Variants in SUGCT observed in about 807,000 individuals in gnomAD.
The protein encoded by SUGCT is succinyl-CoA:glutarate-CoA transferase.
A neutral mutation model predicts 55.0 loss-of-function variants in SUGCT; 41 were observed. The ratio of observed to expected loss-of-function variants is 0.74; its 90% CI spans 0.58 to 0.97. SUGCT has a LOEUF of 0.97. Ranked by LOEUF, SUGCT falls within the 50% of genes least tolerant of loss-of-function variation. The pLI is 0.00. For synonymous variants in SUGCT, 187 were observed against 200.4 expected (o/e 0.93, Z 0.56); for missense variants, 568 against 547.8 (o/e 1.04, Z -0.37).
At chr7:40,366,640 T>C (rs1051260606) in intron 9 of SUGCT, among the ~76,000 whole-genome samples, 5 of 152,152 alleles carry the variant, frequency 3.3e-5, no homozygotes, top group Non-Finnish European at 5.9e-5. Context: ...AAGACATTTA[T>C]GCAGCCAAAA....
At chr7:41,013,413 G>A in the SUGCT span, among the ~76,000 whole-genome samples, 1 of 152,180 alleles carries the variant, frequency 6.6e-6, no homozygotes, top group African/African-American at 2.4e-5. Context: ...CACCAGCCCA[G>A]GTCCAAAGAA....
At chr7:40,779,176 C>T (rs536089545) in intron 13 of SUGCT, among the ~76,000 whole-genome samples, 1 of 152,278 alleles carries the variant, frequency 6.6e-6, no homozygotes, top group East Asian at 1.9e-4. Flanking sequence ...AAATGGGAAT[C>T]AACTCCCCTC....
intron 12 of SUGCT, among the ~76,000 whole-genome samples, chr7:40,585,261 G>A (rs1797314364): frequency 6.6e-6 from 1 of 152,194 alleles, no homozygotes; most frequent in Admixed American, 6.5e-5. Flanking sequence ...TGCCAGAGGG[G>A]TGGGTGATAT....
intron 12 of SUGCT, among the ~76,000 whole-genome samples, chr7:40,514,098 G>A (rs1472687481): frequency 6.6e-6 from 1 of 151,968 alleles, no homozygotes; most frequent in Admixed American, 6.6e-5. Context: ...CATCAGGGAA[G>A]TATTTTTATG....
At chr7:40,987,677 C>A in the SUGCT span, among the ~76,000 whole-genome samples, 1 of 152,174 alleles carries the variant, frequency 6.6e-6, no homozygotes, top group African/African-American at 2.4e-5. Flanking sequence ...GAGGCAGAAA[C>A]CATCCAACCA....
chr7:40,343,824 T>C (rs1389751231), intron 9 of SUGCT, among the ~76,000 whole-genome samples: 2 of 151,956 alleles, frequency 1.3e-5, no homozygotes, highest in Admixed American at 1.3e-4. Context: ...GCCTGGCTAA[T>C]TTTTTGTATT....
At chr7:40,898,137 A>C in the SUGCT span, among the ~76,000 whole-genome samples, 2 of 151,574 alleles carry the variant, frequency 1.3e-5, no homozygotes, top group Non-Finnish European at 2.9e-5. Context: ...AGCCAGCAAG[A>C]CCACCAGCTC....
At chr7:40,602,210 A>T (rs193005078) in intron 12 of SUGCT, among the ~76,000 whole-genome samples, 158 of 152,204 alleles carry the variant, frequency 1.0e-3, no homozygotes, top group Middle Eastern at 3.4e-3. Context: ...AAACCAACCA[A>T]CCAACCCCCA....
chr7:40,805,903 A>G (rs1256179149), intron 13 of SUGCT, among the ~76,000 whole-genome samples: 1 of 152,206 alleles, frequency 6.6e-6, no homozygotes, highest in Admixed American at 6.5e-5. Context: ...GTGGAATGCC[A>G]TCTATGGCAC....
chr7:41,006,834 C>T, the SUGCT span, among the ~76,000 whole-genome samples: 1 of 152,118 alleles, frequency 6.6e-6, no homozygotes, highest in African/African-American at 2.4e-5. Flanking sequence ...AAGATTGCAT[C>T]ATTTGGCAGT....
intron 9 of SUGCT, among the ~76,000 whole-genome samples, chr7:40,431,421 G>A (rs1787891088): frequency 6.6e-6 from 1 of 151,866 alleles, no homozygotes; most frequent in Non-Finnish European, 1.5e-5. Context: ...GGCTATTTGG[G>A]GTCTTTTATG....
intron 12 of SUGCT, among the ~76,000 whole-genome samples, chr7:40,611,680 T>G (rs1798772968): frequency 6.6e-6 from 1 of 152,228 alleles, no homozygotes; most frequent in African/African-American, 2.4e-5. Context: ...TCTGCCAAGC[T>G]TTCTTCAAAG....
Position 40,837,937 on chromosome 7 carries a change from G to A in SUGCT, c.1154-22379G>A, listed in dbSNP as rs545904548. Among the ~76,000 whole-genome samples the A allele has an allele frequency of 2.6e-5, 4 of 152,244 alleles. No individual in the cohort carries two copies. In the South Asian group the frequency reaches 8.3e-4, roughly 32 times the overall value. ...CCTATTTTGAGTTAATTTTTTATGG[G>A]ATATGAAAATTAGGATGAGGTCTGT... On this transcript the variant is annotated intron_variant, in intron 13 of 13. Transcript: ENST00000335693.
intron 12 of SUGCT, among the ~76,000 whole-genome samples, chr7:40,704,782 A>G (rs1584305176): frequency 6.6e-6 from 1 of 152,226 alleles, no homozygotes; most frequent in Admixed American, 6.5e-5. Context: ...GTTACATCAT[A>G]TTAACTTATT....
intron 9 of SUGCT, among the ~76,000 whole-genome samples, chr7:40,425,304 C>T (rs1787531660): frequency 6.6e-6 from 1 of 152,022 alleles, no homozygotes; most frequent in African/African-American, 2.4e-5. Context: ...CTATTCCAGA[C>T]CATTTTCTTT....
At chr7:40,310,082 A>G (rs540355214) in intron 8 of SUGCT, among the ~76,000 whole-genome samples, 1 of 152,336 alleles carries the variant, frequency 6.6e-6, no homozygotes, top group African/African-American at 2.4e-5. Flanking sequence ...AGAGTACTGT[A>G]TGGAAAGGGG....
At chr7:40,968,603 C>T in the SUGCT span, among the ~76,000 whole-genome samples, 2 of 152,104 alleles carry the variant, frequency 1.3e-5, no homozygotes, top group African/African-American at 2.4e-5. Context: ...GAAGAGACAT[C>T]GAAAAACAAA....
At chr7:40,363,881 T>C (rs1166354236) in intron 9 of SUGCT, among the ~76,000 whole-genome samples, 1 of 152,196 alleles carries the variant, frequency 6.6e-6, no homozygotes, top group African/African-American at 2.4e-5. Flanking sequence ...TAACTTTCTG[T>C]CTCGTTGATC....
At chr7:40,387,291 T>C (rs1281109995) in intron 9 of SUGCT, among the ~76,000 whole-genome samples, 4 of 152,184 alleles carry the variant, frequency 2.6e-5, no homozygotes, top group Non-Finnish European at 5.9e-5. Context: ...TTGCCCTTCC[T>C]GTATGGTCTG....
Sources: gnomAD v4.1 joint callset for allele counts (sites outside exome capture counted in the v4.1 genomes callset) on GRCh38, gnomAD v4.1.1 for gene constraint, MANE v1.5 for transcripts, NCBI Gene and HGNC (gene_info 2026-07-23, HGNC 2026-07-21) for gene names.